The following IQCE variants were observed in gnomAD, a reference collection of about 807,000 sequenced individuals.
The protein encoded by IQCE is IQ domain-containing protein E.
Under a neutral mutation model 96.0 loss-of-function variants are expected in IQCE, and 115 were observed. That is an observed-to-expected ratio of 1.20 (90% CI 1.03 to 1.40). The LOEUF (loss-of-function observed/expected upper bound fraction) is 1.40, where lower values mean the gene tolerates loss of function less well. Among genes scored for constraint, IQCE ranks in the 40% most tolerant of loss-of-function variants. The pLI is 0.00. For synonymous variants in IQCE, 412 were observed against 371.2 expected, an observed-to-expected ratio of 1.11 and a Z score of -1.26; for missense variants, 1,041 against 909.1, an observed-to-expected ratio of 1.15 and a Z score of -1.87.
intron 13 of IQCE, among the ~76,000 whole-genome samples, chr7:2,588,529 A>G (rs1021677012): frequency 1.4e-5 from 2 of 144,790 alleles, no homozygotes; most frequent in Non-Finnish European, 3.0e-5. Flanking sequence ...AATTTTTTGT[A>G]TTTTTAGTAG....
In IQCE at chr7:2,578,324, G is replaced by C. The variant is rs1467701635; in HGVS notation, c.548G>C (p.Arg183Pro). 1.9e-6 allele frequency: 3 copies of C among 1,614,038 alleles called. No individual in the cohort carries two copies. The highest frequency in any genetic ancestry group is 2.2e-5 in the East Asian group (1 of 44,878). Residue 183 changes from arginine to proline, a missense_variant, in exon 7 of 22, where the codon CGG becomes CCG. Arg to Pro is a moderately radical substitution (Grantham distance 103). Transcript: ENST00000402050. ...GAGGAGGAAAACAGCAGGAAGGACC[G>C]GCAGATAGAGCAGCTCCTGGATCCC... is the stretch of plus-strand genomic sequence containing the variant. ...RLEEENSRKDRQIEQLLDPSR... is the reference protein window; with the variant it reads ...RLEEENSRKDPQIEQLLDPSR...
chr7:2,578,372 T>A lies in IQCE; in HGVS notation c.579+17T>A. On this transcript the variant is annotated intron_variant, in intron 7 of 21. Transcript: ENST00000402050. ...CCCAGCCGCGTAAGCTCCTGGCGCT[T>A]CACGGACGGGGCAAGGGGAGGGTCC... The A allele has an allele frequency of 2.5e-6, 4 of 1,612,534 alleles. No individual in the cohort carries two copies. Among genetic ancestry groups the A allele is most frequent in the Non-Finnish European group, 3.4e-6 (4 of 1,178,700 alleles).
chr7:2,600,130 A>C (rs938320441), intron 17 of IQCE, among the ~76,000 whole-genome samples: 1 of 151,880 alleles, frequency 6.6e-6, no homozygotes, highest in African/African-American at 2.4e-5. Context: ...TTCTTTGGCA[A>C]TGGGCAGGCC....
chr7:2,607,405 C>T lies in IQCE; in HGVS notation c.1969+178C>T, dbSNP rs548090582. 9.0e-5 allele frequency: 123 copies of T among 1,365,568 alleles called. 1 individual carries two copies. The highest frequency in any genetic ancestry group is 6.5e-4 in the African/African-American group (43 of 66,078). The allele number at this position is 1,365,568 out of a possible 1,614,324, so 84.6% of individuals were successfully genotyped here. A position where few individuals can be genotyped will look rare whatever the true frequency, so the allele number is the denominator to read the frequency against. On this transcript the variant is annotated intron_variant, in intron 21 of 21. Coordinates refer to ENST00000402050, the MANE Select transcript of IQCE (RefSeq NM_152558.5). ...GCCAGGAAGGCCCACAACAGGGCCC[C>T]GCCTTGGCCCAGCTTGTCCTTTGTG...
chr7:2,593,096 A>AGGAGAGGAG lies in IQCE; in HGVS notation c.1320_1328dup (p.Arg443_Arg445dup), dbSNP rs748719470. 3.1e-6 allele frequency: 5 copies of AGGAGAGGAG among 1,612,450 alleles called. No homozygotes were observed. In the East Asian group the frequency reaches 8.9e-5, roughly 29 times the overall value. ...CTGGAGTGCGCGAGGGAGGGCGAGGAGGAGAGGAGAGAGCGAGAGGAGGTT... is the reference window on the plus strand; with the variant it reads ...CTGGAGTGCGCGAGGGAGGGCGAGGAGGAGAGGAGGGAGAGGAGAGAGCGAGAGGAGGTT... On this transcript the variant is annotated inframe_insertion, in exon 15 of 22. Transcript: ENST00000402050.
chr7:2,603,328 C>T (rs561159733), intron 18 of IQCE, among the ~76,000 whole-genome samples: 178 of 152,298 alleles, frequency 1.2e-3, no homozygotes, highest in African/African-American at 4.2e-3. Flanking sequence ...CAAGCTCTGT[C>T]TTTTTGCCAC....
chr7:2,599,765 G>C (rs1041499815), intron 17 of IQCE, among the ~76,000 whole-genome samples: 1 of 151,718 alleles, frequency 6.6e-6, no homozygotes, highest in Admixed American at 6.6e-5. Flanking sequence ...GGGATTACAG[G>C]TGTGAGCTAC....
In IQCE at chr7:2,594,883, TAGAG is replaced by T. The variant is rs760694987; in HGVS notation, c.1350_1353del (p.Glu451ArgfsTer15). On this transcript the variant is annotated splice_acceptor_variant and coding_sequence_variant, in exon 16 of 22. Transcript: ENST00000402050. LOFTEE classifies it high-confidence loss of function. ...TGTCTCATCTTTTCCCTTTCCGCCT[TAGAG>T]AGGAGATTCAGACACTTACCAGCAA... The T allele has an allele frequency of 2.7e-4, 434 of 1,606,764 alleles. No individual in the cohort carries two copies. Among genetic ancestry groups the T allele is most frequent in the Admixed American group, 9.2e-4 (55 of 60,018 alleles).
At chr7:2,580,886 T>G (rs1782612298) in intron 8 of IQCE, among the ~76,000 whole-genome samples, 1 of 151,014 alleles carries the variant, frequency 6.6e-6, no homozygotes, top group African/African-American at 2.4e-5. Flanking sequence ...AAGAGGGGAG[T>G]GGCCAGGTCA....
chr7:2,576,987 C>T (rs900805874), intron 6 of IQCE, among the ~76,000 whole-genome samples: 2 of 152,076 alleles, frequency 1.3e-5, no homozygotes, highest in African/African-American at 2.4e-5. Context: ...TCACGGGTTC[C>T]GTTGGTATCT....
intron 1 of IQCE, among the ~76,000 whole-genome samples, chr7:2,562,705 A>G (rs1338765018): frequency 1.3e-5 from 2 of 148,736 alleles, no homozygotes; most frequent in Non-Finnish European, 3.0e-5. Context: ...TTTTGGTTTC[A>G]TTGATTTTTC....
Position 2,586,332 on chromosome 7 carries a change from C to T in IQCE, c.949C>T (p.Arg317Cys), listed in dbSNP as rs78104931. 7,261 of 1,613,640 alleles carry T rather than the reference C, an allele frequency of 4.5e-3. 263 individuals carry two copies. In the African/African-American group the frequency reaches 0.081, roughly 18 times the overall value. ...ENQSLKEDLD[R>C]VLSTSPTISK... ...CCAGAGCCTGAAGGAGGACCTGGAC[C>T]GCGTGCTGAGCACCTCCCCAACCAT... The change falls in exon 12 of 22, where the codon CGC becomes TGC. Residue 317 changes from arginine to cysteine, a missense_variant. Physicochemically the swap from Arg to Cys is radical, Grantham distance 180. Transcript: ENST00000402050.
intron 13 of IQCE, among the ~76,000 whole-genome samples, chr7:2,589,464 C>T (rs915149655): frequency 2.6e-5 from 4 of 152,142 alleles, no homozygotes; most frequent in African/African-American, 7.2e-5. Context: ...GTGGGCAGCA[C>T]GTCCAAGATC....
chr7:2,582,757 C>G, intron 9 of IQCE, 107 bp downstream of exon 9: 1 of 925,032 alleles, frequency 1.1e-6, no homozygotes, highest in Non-Finnish European at 1.7e-6. Context: ...CTACTCCCAG[C>G]CCAAAGCCGA....
rs1781425349 is a variant in IQCE at position 2,567,041 on chromosome 7, T to C, written c.37-75T>C. ...TTTCAGCAGCTGTGGACGGGCTGTT[T>C]TCGCTTTTGTAAACGTGATGGTCGG... On this transcript the variant is annotated intron_variant, in intron 1 of 21. Transcript: ENST00000402050. The C allele has an allele frequency of 5.3e-6, 7 of 1,318,814 alleles. No individual in the cohort carries two copies. The Admixed American group carries it at 1.2e-4, about 23-fold the overall frequency. The allele number at this position is 1,318,814 out of a possible 1,614,324, so 81.7% of individuals were successfully genotyped here. A position where few individuals can be genotyped will look rare whatever the true frequency, so the allele number is the denominator to read the frequency against.
At chr7:2,586,709 C>T (rs1013379947) in intron 12 of IQCE, among the ~76,000 whole-genome samples, 28 of 152,128 alleles carry the variant, frequency 1.8e-4, no homozygotes, top group Admixed American at 7.9e-4. Flanking sequence ...GTGTGTGCAG[C>T]TGCAAGCAGG....
rs781115302 is a variant in IQCE at position 2,598,485 on chromosome 7, C to T, written c.1461C>T (p.Pro487=). Residue 487 remains proline, a synonymous_variant, in exon 17 of 22, where the codon CCC becomes CCT. Transcript: ENST00000402050. ...TGCAGGCCCAAGAGCTCCCAGCTCCCACTCCCAGCAGCAGGCACTGCGAGC... is the reference window on the plus strand; with the variant it reads ...TGCAGGCCCAAGAGCTCCCAGCTCCTACTCCCAGCAGCAGGCACTGCGAGC... ...VPHKAQELPA[P]TPSSRHCEQD... is the part of the protein sequence containing the mutation. 6 of 1,592,220 alleles carry T rather than the reference C, an allele frequency of 3.8e-6. No homozygotes were observed. The highest frequency in any genetic ancestry group is 5.1e-6 in the Non-Finnish European group (6 of 1,170,166).
intron 2 of IQCE, among the ~76,000 whole-genome samples, chr7:2,568,724 T>G (rs909252887): frequency 6.6e-6 from 1 of 152,156 alleles, no homozygotes; most frequent in Non-Finnish European, 1.5e-5. Flanking sequence ...TTTTCTGTAA[T>G]TGGAACTTGT....
intron 6 of IQCE, among the ~76,000 whole-genome samples, chr7:2,574,298 G>T (rs1418712234): frequency 6.6e-6 from 1 of 152,230 alleles, no homozygotes; most frequent in Non-Finnish European, 1.5e-5. Context: ...TGGCAGCCTC[G>T]TCCCCAGAGC....
Sources: allele counts gnomAD v4.1 joint callset (sites outside exome capture counted in the v4.1 genomes callset), GRCh38; gene constraint gnomAD v4.1.1; transcripts MANE v1.5; gene names NCBI Gene and HGNC (gene_info 2026-07-23, HGNC 2026-07-21).